Variants in GDF7 observed in about 807,000 individuals in gnomAD.
The protein encoded by GDF7 is growth differentiation factor 7, also known as growth/differentiation factor 7.
GDF7 carries 12 observed loss-of-function variants against 13.4 expected under a neutral mutation model. That is an observed-to-expected ratio of 0.90 (90% CI 0.57 to 1.45). The LOEUF is 1.45. Ranked by LOEUF, GDF7 falls within the 40% of genes most tolerant of loss-of-function variation. The probability of loss-of-function intolerance (pLI) is 0.00; values close to 1 mark genes in which losing one functional copy is unlikely to be tolerated. For missense variants in GDF7, 651 were observed against 652.4 expected (o/e 1.00, Z 0.02); for synonymous variants, 330 against 306.4 (o/e 1.08, Z -0.80).
Position 20,667,766 on chromosome 2 carries a change from C to T in GDF7, c.391+136C>T, listed in dbSNP as rs1695993436. ...ACCCTCAGGTGATAGAAAGAAACTT[C>T]GCCGAGGCCAACACTCTCCAGCCCG... On this transcript the variant is annotated intron_variant, in intron 1 of 1. Coordinates refer to ENST00000272224, the MANE Select transcript of GDF7 (RefSeq NM_182828.4). The surrounding 1 kb of genome is among the most constrained non-coding windows in gnomAD (Gnocchi z 6.4). 3 of 590,448 alleles carry T rather than the reference C, an allele frequency of 5.1e-6. No individual in the cohort carries two copies. Among genetic ancestry groups the T allele is most frequent in the Non-Finnish European group, 7.5e-6 (3 of 400,642 alleles). The allele number at this position is 590,448 out of a possible 1,614,324, so 36.6% of individuals were successfully genotyped here.
Position 20,671,721 on chromosome 2 carries a change from T to A in GDF7, c.*296T>A. On this transcript the variant is annotated 3_prime_UTR_variant, in exon 2 of 2. Coordinates refer to ENST00000272224, the MANE Select transcript of GDF7 (RefSeq NM_182828.4). ...CTGCCCCCATTTAGGGAGAGGAAGG[T>A]GTTTGTGCTGATGTTGCAGTTAGAG... The A allele has an allele frequency of 2.6e-6, 1 of 379,280 alleles. No individual in the cohort carries two copies. Among genetic ancestry groups the A allele is most frequent in the East Asian group, 5.6e-5 (1 of 17,922 alleles). 23.5% of individuals were successfully genotyped at this position (379,280 alleles called of 1,614,324 possible). A position where few individuals can be genotyped will look rare whatever the true frequency, so the allele number is the denominator to read the frequency against.
At position 20,667,320 on chromosome 2, in the gene GDF7, C is replaced by G. The variant is rs1218722248; in HGVS notation, c.81C>G (p.Ala27=). Residue 27 remains alanine, a synonymous_variant, in exon 1 of 2, where the codon GCC becomes GCG. Coordinates refer to ENST00000272224, the MANE Select transcript of GDF7 (RefSeq NM_182828.4). The surrounding 1 kb of genome is among the most constrained non-coding windows in gnomAD (Gnocchi z 6.4). ...CCCGCGACGGGCTGGAAGCGGCCGCCGTGCTGCGAGCGGCGGGGGCTGGGC... is the reference window on the plus strand; with the variant it reads ...CCCGCGACGGGCTGGAAGCGGCCGCGGTGCTGCGAGCGGCGGGGGCTGGGC... ...CRPRDGLEAA[A]VLRAAGAGPV... is the part of the protein sequence containing the mutation. 1 of 1,098,826 alleles carries G rather than the reference C, an allele frequency of 9.1e-7. No individual in the cohort carries two copies. Among genetic ancestry groups the G allele is most frequent in the Non-Finnish European group, 1.1e-6 (1 of 904,366 alleles). The allele number at this position is 1,098,826 out of a possible 1,614,324, so 68.1% of individuals were successfully genotyped here.
chr2:20,670,044 G>A (rs929918616), intron 1 of GDF7, among the ~76,000 whole-genome samples: 2 of 152,218 alleles, frequency 1.3e-5, no homozygotes, highest in Non-Finnish European at 2.9e-5. Flanking sequence ...GACCTCAGGA[G>A]GGGGTGCACG....
rs1323740045 is a variant in GDF7 at position 20,673,140 on chromosome 2, A to G, written c.*1715A>G. On this transcript the variant is annotated 3_prime_UTR_variant, in exon 2 of 2. Coordinates refer to ENST00000272224, the MANE Select transcript of GDF7 (RefSeq NM_182828.4). ...GAGAAGACAGACTTACGATTTAGAT[A>G]CAGCTAATTTACTTAGGGGCCCTAC... 3 of 152,140 alleles carry G rather than the reference A, an allele frequency of 2.0e-5. No homozygotes were observed. Among genetic ancestry groups the G allele is most frequent in the Non-Finnish European group, 2.9e-5 (2 of 68,022 alleles). The allele number at this position is 152,140 out of a possible 1,614,324, so 9.4% of individuals were successfully genotyped here.
chr2:20,669,015 A>C (rs913287499), intron 1 of GDF7, among the ~76,000 whole-genome samples: 3 of 152,228 alleles, frequency 2.0e-5, no homozygotes, highest in Non-Finnish European at 4.4e-5. Flanking sequence ...GGTCTCAGAC[A>C]GGAGATAAAT....
rs1249286105 is a variant in GDF7 at position 20,670,782 on chromosome 2, T to C, written c.710T>C (p.Val237Ala). ...PRAFCLLLRA[V>A]AGPVPSPLAL... is the part of the protein sequence containing the mutation. ...GCGTTCTGCCTCTTGCTGCGCGCAG[T>C]GGCAGGCCCGGTGCCGAGCCCGTTG... The change falls in exon 2 of 2, where the codon GTG becomes GCG. Residue 237 changes from valine to alanine, a missense_variant. Coordinates refer to ENST00000272224, the MANE Select transcript of GDF7 (RefSeq NM_182828.4). 1.3e-6 allele frequency: 2 copies of C among 1,483,318 alleles called. No homozygotes were observed. Among genetic ancestry groups the C allele is most frequent in the African/African-American group, 2.9e-5 (2 of 68,684 alleles). The allele number at this position is 1,483,318 out of a possible 1,614,324, so 91.9% of individuals were successfully genotyped here. A position where few individuals can be genotyped will look rare whatever the true frequency, so the allele number is the denominator to read the frequency against.
chr2:20,667,262 C>T lies in GDF7; in HGVS notation c.23C>T (p.Ala8Val). 3 of 1,239,494 alleles carry T rather than the reference C, an allele frequency of 2.4e-6. No individual in the cohort carries two copies. The East Asian group carries it at 1.2e-4, about 49-fold the overall frequency. The allele number at this position is 1,239,494 out of a possible 1,614,324, so 76.8% of individuals were successfully genotyped here. The change falls in exon 1 of 2, where the codon GCG becomes GTG. Residue 8 changes from alanine to valine, a missense_variant. Physicochemically the swap from Ala to Val is moderately conservative, Grantham distance 64. Coordinates refer to ENST00000272224, the MANE Select transcript of GDF7 (RefSeq NM_182828.4). The surrounding 1 kb of genome is among the most constrained non-coding windows in gnomAD (Gnocchi z 6.4). MDLSAAAALCLWLLSACR... is the reference protein window; with the variant it reads MDLSAAAVLCLWLLSACR... ...CCCATGGACCTGAGCGCCGCCGCCG[C>T]GCTGTGCCTTTGGCTGCTGAGCGCC...
Position 20,671,761 on chromosome 2 carries a change from T to G in GDF7, c.*336T>G. ...TGCAGTTAGAGGCACGAAAATCAGG[T>G]AGCAACAACGGGTTAGGAAATTCGA... On this transcript the variant is annotated 3_prime_UTR_variant, in exon 2 of 2. Transcript: ENST00000272224. 7.3e-6 allele frequency: 2 copies of G among 272,908 alleles called. No homozygotes were observed. The highest frequency in any genetic ancestry group is 7.0e-6 in the Non-Finnish European group (1 of 142,754). 16.9% of individuals were successfully genotyped at this position (272,908 alleles called of 1,614,324 possible).
rs1558362889 is a variant in GDF7, at chr2:20,671,423, T to C, written c.1351T>C (p.Ter451GlnextTer70). 1 of 1,598,620 alleles carries C rather than the reference T, an allele frequency of 6.3e-7. No individual in the cohort carries two copies. The highest frequency in any genetic ancestry group is 1.4e-5 in the African/African-American group (1 of 73,416). Residue 451 changes from the stop codon to glutamine, a stop_lost, in exon 2 of 2, where the codon TAG becomes CAG. Transcript: ENST00000272224. ...GGTGGTGGAGGCCTGCGGCTGCAGG[T>C]AGCGCGAGGGCCGGGGAGGGGGCAG... is the stretch of plus-strand genomic sequence containing the variant. ...DMVVEACGCR[*>Q]
rs749862475 is a variant in GDF7 at position 20,670,597 on chromosome 2, T to G, written c.525T>G (p.Thr175=). ...CAGAGTCGGGCCCAGGCAGCTGGAC[T>G]TCTCCGCCGTTGCTGCTGCTGTCCA... ...GSPESGPGSW[T]SPPLLLLSTC... is the part of the protein sequence containing the mutation. The change falls in exon 2 of 2, where the codon ACT becomes ACG. Residue 175 remains threonine, a synonymous_variant. Coordinates refer to ENST00000272224, the MANE Select transcript of GDF7 (RefSeq NM_182828.4). 6.3e-7 allele frequency: 1 copy of G among 1,595,278 alleles called. No homozygotes were observed. The highest frequency in any genetic ancestry group is 8.5e-7 in the Non-Finnish European group (1 of 1,172,992).
chr2:20,671,476 G>A lies in GDF7; in HGVS notation c.*51G>A. On this transcript the variant is annotated 3_prime_UTR_variant, in exon 2 of 2. Coordinates refer to ENST00000272224, the MANE Select transcript of GDF7 (RefSeq NM_182828.4). ...ACGCGGCCGAGGATCCCCAGCTGAT[G>A]AGCAGCAGCGGGCCACCCTGTCACC... The A allele has an allele frequency of 1.9e-6, 3 of 1,566,074 alleles. No homozygotes were observed. In the South Asian group the frequency reaches 3.6e-5, roughly 19 times the overall value.
At position 20,670,602 on chromosome 2, in the gene GDF7, C is replaced by T. The variant is rs778526767; in HGVS notation, c.530C>T (p.Pro177Leu). The change falls in exon 2 of 2, where the codon CCG (proline) becomes CTG (leucine). Residue 177 changes from proline to leucine, a missense_variant. Pro to Leu is a moderately conservative substitution (Grantham distance 98, BLOSUM62 -3). Coordinates refer to ENST00000272224, the MANE Select transcript of GDF7 (RefSeq NM_182828.4). ...PESGPGSWTS[P>L]PLLLLSTCPG... is the part of the protein sequence containing the mutation. ...TCGGGCCCAGGCAGCTGGACTTCTCCGCCGTTGCTGCTGCTGTCCACGTGC... is the reference window on the plus strand; with the variant it reads ...TCGGGCCCAGGCAGCTGGACTTCTCTGCCGTTGCTGCTGCTGTCCACGTGC... The T allele has an allele frequency of 1.3e-6, 2 of 1,593,616 alleles. No homozygotes were observed. The highest frequency in any genetic ancestry group is 3.5e-5 in the Admixed American group (2 of 57,882).
chr2:20,671,488 G>A lies in GDF7; in HGVS notation c.*63G>A. 2.6e-6 allele frequency: 4 copies of A among 1,542,244 alleles called. No homozygotes were observed. Among genetic ancestry groups the A allele is most frequent in the South Asian group, 1.2e-5 (1 of 80,744 alleles). ...ATCCCCAGCTGATGAGCAGCAGCGG[G>A]CCACCCTGTCACCGAGCGTGGGTGC... On this transcript the variant is annotated 3_prime_UTR_variant, in exon 2 of 2. Coordinates refer to ENST00000272224, the MANE Select transcript of GDF7 (RefSeq NM_182828.4).
At position 20,677,656 on chromosome 2, in the gene GDF7, A is replaced by G. The variant is rs1662254396; in HGVS notation, c.*6231A>G. On this transcript the variant is annotated 3_prime_UTR_variant, in exon 2 of 2. Transcript: ENST00000272224. ...TAGAAGGAAACAGGAACGAATCCAA[A>G]GCAAACGGGGCTAAACTTCCCTCGA... The G allele has an allele frequency of 6.6e-6, 1 of 152,292 alleles. No individual in the cohort carries two copies. The highest frequency in any genetic ancestry group is 2.1e-4 in the South Asian group (1 of 4,836). The allele number at this position is 152,292 out of a possible 1,614,324, so 9.4% of individuals were successfully genotyped here.
In GDF7 at chr2:20,667,572, CGCCTCGGGCCAT is replaced by C; in HGVS notation, c.335_346del (p.Ala112_His115del). Reference sequence around the variant, plus strand: ...CTCCGGCCGGGGCAGCCGCTGTCTCCGCCTCGGGCCATGGTCGCGCGGACACGATCACCGGCT... The same window carrying C: ...CTCCGGCCGGGGCAGCCGCTGTCTCCGGTCGCGCGGACACGATCACCGGCT... On this transcript the variant is annotated inframe_deletion, in exon 1 of 2. Transcript: ENST00000272224. This position sits in a 1 kb window ranked among gnomAD's most constrained non-coding sequence, Gnocchi z 6.4. The C allele has an allele frequency of 6.6e-7, 1 of 1,507,236 alleles. No homozygotes were observed. Among genetic ancestry groups the C allele is most frequent in the Non-Finnish European group, 8.8e-7 (1 of 1,135,124 alleles). 93.4% of individuals were successfully genotyped at this position (1,507,236 alleles called of 1,614,324 possible). A position where few individuals can be genotyped will look rare whatever the true frequency, so the allele number is the denominator to read the frequency against.
chr2:20,668,969 A>G (rs574795810), intron 1 of GDF7, among the ~76,000 whole-genome samples: 1 of 152,232 alleles, frequency 6.6e-6, no homozygotes, highest in Non-Finnish European at 1.5e-5. Context: ...GGGCACAGGC[A>G]CCAGAGTCTT....
Position 20,671,098 on chromosome 2 carries a change from G to A in GDF7, c.1026G>A (p.Gly342=). ...GSGGGAGRGH[G]RRGRSRCSRK... ...GCGGGGGCGCGGGCCGGGGCCACGG[G>A]CGCAGGGGCCGGAGCCGCTGCAGCC... Residue 342 remains glycine (G), a synonymous_variant, in exon 2 of 2, where the codon GGG becomes GGA. Coordinates refer to ENST00000272224, the MANE Select transcript of GDF7 (RefSeq NM_182828.4). The A allele has an allele frequency of 6.4e-7, 1 of 1,566,232 alleles. No homozygotes were observed. Among genetic ancestry groups the A allele is most frequent in the Non-Finnish European group, 8.6e-7 (1 of 1,157,870 alleles).
rs1662129710 is a variant in GDF7, at chr2:20,671,640, C to T, written c.*215C>T. The T allele has an allele frequency of 1.7e-6, 1 of 577,084 alleles. No homozygotes were observed. Among genetic ancestry groups the T allele is most frequent in the South Asian group, 2.1e-5 (1 of 48,624 alleles). 35.7% of individuals were successfully genotyped at this position (577,084 alleles called of 1,614,324 possible). A position where few individuals can be genotyped will look rare whatever the true frequency, so the allele number is the denominator to read the frequency against. The stretch of plus-strand genomic sequence containing the variant: ...GAAAGCCTTGGGAAGAGATGACCTG[C>T]CGGTACCGAATGTCAAAGCCCTGTG... On this transcript the variant is annotated 3_prime_UTR_variant, in exon 2 of 2. Transcript: ENST00000272224.
chr2:20,671,312 T>C lies in GDF7; in HGVS notation c.1240T>C (p.Cys414Arg). 6.2e-7 allele frequency: 1 copy of C among 1,613,710 alleles called. No individual in the cohort carries two copies. Among genetic ancestry groups the C allele is most frequent in the Non-Finnish European group, 8.5e-7 (1 of 1,179,952 alleles). ...SMAPDAAPAS[C>R]CVPARLSPIS... ...GGCACCAGACGCGGCGCCGGCCTCC[T>C]GCTGTGTGCCAGCGCGCCTCAGCCC... The change falls in exon 2 of 2, where the codon TGC becomes CGC. Residue 414 changes from cysteine (C) to arginine (R), a missense_variant. Cys to Arg is a radical substitution (Grantham distance 180, BLOSUM62 -3). Coordinates refer to ENST00000272224, the MANE Select transcript of GDF7 (RefSeq NM_182828.4).
Sources: allele counts gnomAD v4.1 joint callset (sites outside exome capture counted in the v4.1 genomes callset), GRCh38; gene constraint gnomAD v4.1.1; non-coding constraint Gnocchi (gnomAD v3.1); transcripts MANE v1.5; gene names NCBI Gene and HGNC (gene_info 2026-07-23, HGNC 2026-07-21).